Variants in LPAR3 observed in about 807,000 individuals in gnomAD.
LPAR3 encodes the protein lysophosphatidic acid receptor 3.
A neutral mutation model predicts 17.8 loss-of-function variants in LPAR3; 7 were observed. The ratio of observed to expected loss-of-function variants is 0.39; its 90% CI spans 0.22 to 0.74. LPAR3 has a LOEUF of 0.74. Among genes scored for constraint, LPAR3 ranks in the 30% least tolerant of loss-of-function variants. The pLI is 0.40. For synonymous variants in LPAR3, 179 were observed against 179.9 expected (o/e 0.99, Z 0.04); for missense variants, 391 against 453.4 (o/e 0.86, Z 1.25).
intron 2 of LPAR3, among the ~76,000 whole-genome samples, chr1:84,838,118 C>T (rs11161466): frequency 0.029 from 4,417 of 152,206 alleles, 231 homozygotes; most frequent in African/African-American, 0.098. Flanking sequence ...ACAAGCTGTA[C>T]TCACCTCCCA....
At chr1:84,886,915 T>C (rs1289923093) in intron 1 of LPAR3, among the ~76,000 whole-genome samples, 1 of 152,094 alleles carries the variant, frequency 6.6e-6, no homozygotes, top group East Asian at 1.9e-4. Flanking sequence ...GAGCACAATT[T>C]GAGCATTAAA....
intron 1 of LPAR3, among the ~76,000 whole-genome samples, chr1:84,892,722 T>C (rs1660575489): frequency 6.6e-6 from 1 of 152,254 alleles, no homozygotes; most frequent in Non-Finnish European, 1.5e-5. Context: ...TCCTGGCCTC[T>C]GCGCCCAGCC....
intron 2 of LPAR3, among the ~76,000 whole-genome samples, chr1:84,826,146 G>A (rs977450814): frequency 6.6e-6 from 1 of 150,476 alleles, no homozygotes; most frequent in Non-Finnish European, 1.5e-5. Context: ...ATGTATAATA[G>A]CAACATATAA....
At chr1:84,882,114 C>T (rs1228264720) in intron 1 of LPAR3, among the ~76,000 whole-genome samples, 1 of 152,092 alleles carries the variant, frequency 6.6e-6, no homozygotes. Flanking sequence ...CCCATTAGAA[C>T]TAATAAACTA....
rs1172749016 is a variant in LPAR3, at chr1:84,813,028, C to G, written c.*818G>C. ...GCGGTAACCCCGTATCTGAAATACT[C>G]CAGGGATCCATGTTTCTTTCAATAG... On this transcript the variant is annotated 3_prime_UTR_variant, in exon 3 of 3. Transcript: ENST00000370611. 1 of 150,536 alleles carries G rather than the reference C, an allele frequency of 6.6e-6. No homozygotes were observed. Among genetic ancestry groups the G allele is most frequent in the East Asian group, 2.0e-4 (1 of 5,118 alleles). 9.3% of individuals were successfully genotyped at this position (150,536 alleles called of 1,614,324 possible). A position where few individuals can be genotyped will look rare whatever the true frequency, so the allele number is the denominator to read the frequency against.
At chr1:84,877,974 A>G (rs917888520) in intron 1 of LPAR3, among the ~76,000 whole-genome samples, 1 of 152,132 alleles carries the variant, frequency 6.6e-6, no homozygotes, top group African/African-American at 2.4e-5. Flanking sequence ...TGTGTTGAAC[A>G]ATGTTAGGAT....
intron 2 of LPAR3, among the ~76,000 whole-genome samples, chr1:84,818,915 C>T (rs1658993912): frequency 6.6e-6 from 1 of 152,140 alleles, no homozygotes; most frequent in African/African-American, 2.4e-5. Context: ...TTCTTTGTTT[C>T]ATTTTTTTCT....
chr1:84,816,887 T>G (rs1194580569), intron 2 of LPAR3, among the ~76,000 whole-genome samples: 1 of 152,210 alleles, frequency 6.6e-6, no homozygotes, highest in Non-Finnish European at 1.5e-5. Context: ...TACTCTTCCA[T>G]TTGTTTTGTG....
In LPAR3 at chr1:84,865,886, C is replaced by G. The variant is rs753449311; in HGVS notation, c.235G>C (p.Ala79Pro). The change falls in exon 2 of 3, where the codon GCT becomes CCT. Residue 79 changes from alanine (A) to proline (P), a missense_variant. By Grantham distance (27) the Ala-to-Pro change is conservative (BLOSUM62 -1). Transcript: ENST00000370611. ...LANLAAADFF[A>P]GIAYVFLMFN... ...ATCAGGAATACATAGGCAATTCCAG[C>G]GAAGAAATCGGCAGCAGCTAAATTA... The G allele has an allele frequency of 5.6e-6, 9 of 1,613,880 alleles. No homozygotes were observed. Among genetic ancestry groups the G allele is most frequent in the Non-Finnish European group, 7.6e-6 (9 of 1,180,026 alleles).
intron 2 of LPAR3, among the ~76,000 whole-genome samples, chr1:84,824,399 A>G (rs1271728740): frequency 1.3e-5 from 2 of 152,186 alleles, no homozygotes; most frequent in Non-Finnish European, 2.9e-5. Context: ...GGGCTCAGAT[A>G]TGACCTAGAA....
intron 2 of LPAR3, among the ~76,000 whole-genome samples, chr1:84,833,416 A>C (rs1659331526): frequency 6.6e-6 from 1 of 152,208 alleles, no homozygotes; most frequent in Non-Finnish European, 1.5e-5. Context: ...TCATCTGTAA[A>C]ACAGAGACAA....
chr1:84,860,981 C>G (rs1180374809), intron 2 of LPAR3, among the ~76,000 whole-genome samples: 3 of 151,940 alleles, frequency 2.0e-5, no homozygotes, highest in Non-Finnish European at 4.4e-5. Flanking sequence ...TCAAGTGATC[C>G]GCCCGCCTCG....
At chr1:84,843,578 G>T (rs547112563) in intron 2 of LPAR3, among the ~76,000 whole-genome samples, 29 of 152,210 alleles carry the variant, frequency 1.9e-4, no homozygotes, top group Non-Finnish European at 4.1e-4. Flanking sequence ...CTAGGGAGAG[G>T]GGTTGCGTGA....
chr1:84,856,880 A>C (rs1401862113), intron 2 of LPAR3, among the ~76,000 whole-genome samples: 4 of 152,210 alleles, frequency 2.6e-5, no homozygotes, highest in African/African-American at 9.6e-5. Context: ...CAAAAGTGAA[A>C]TGAATTATTA....
chr1:84,820,051 A>G (rs766077622), intron 2 of LPAR3, among the ~76,000 whole-genome samples: 15 of 152,300 alleles, frequency 9.8e-5, no homozygotes, highest in Non-Finnish European at 1.8e-4. Context: ...ACAGCCTTAC[A>G]AAGTTGCTAC....
intron 2 of LPAR3, among the ~76,000 whole-genome samples, chr1:84,860,734 A>ATTTTTTTTTTTTTTTT (rs35354113): frequency 8.8e-6 from 1 of 113,548 alleles, no homozygotes; most frequent in Non-Finnish European, 1.8e-5. Context: ...TTAGGATTTA[A>ATTTTTTTTTTTTTTTT]TTTTTTTTTT....
In LPAR3 at chr1:84,812,091, T is replaced by C. The variant is rs752894119; in HGVS notation, c.*1755A>G. 18 of 152,100 alleles carry C rather than the reference T, an allele frequency of 1.2e-4. No individual in the cohort carries two copies. Among genetic ancestry groups the C allele is most frequent in the Non-Finnish European group, 1.9e-4 (13 of 68,020 alleles). The allele number at this position is 152,100 out of a possible 1,614,324, so 9.4% of individuals were successfully genotyped here. On this transcript the variant is annotated 3_prime_UTR_variant, in exon 3 of 3. Coordinates refer to ENST00000370611, the MANE Select transcript of LPAR3 (RefSeq NM_012152.3). Reference sequence around the variant, plus strand: ...CTTGGGAAAAATAAGAGATGGGAAATTATTCTACATGCTAAATCCAACATG... The same window carrying C: ...CTTGGGAAAAATAAGAGATGGGAAACTATTCTACATGCTAAATCCAACATG...
intron 2 of LPAR3, among the ~76,000 whole-genome samples, chr1:84,826,219 G>A (rs1337709896): frequency 3.3e-5 from 5 of 151,088 alleles, no homozygotes; most frequent in African/African-American, 1.2e-4. Context: ...CTTAAAAAAA[G>A]AATAAATCTG....
chr1:84,835,442 C>T (rs1456927546), intron 2 of LPAR3, among the ~76,000 whole-genome samples: 2 of 152,096 alleles, frequency 1.3e-5, no homozygotes, highest in East Asian at 1.9e-4. Flanking sequence ...AGTTGTGATT[C>T]GCAAATGTGT....
Sources: gnomAD v4.1 joint callset for allele counts (sites outside exome capture counted in the v4.1 genomes callset) on GRCh38, gnomAD v4.1.1 for gene constraint, MANE v1.5 for transcripts, NCBI Gene and HGNC (gene_info 2026-07-23, HGNC 2026-07-21) for gene names.